The following XAF1 variants were observed in gnomAD, a reference collection of about 807,000 sequenced individuals.
The protein encoded by XAF1 is XIAP associated factor 1.
XAF1 carries 32 observed loss-of-function variants against 32.3 expected under a neutral mutation model. The ratio of observed to expected loss-of-function variants is 0.99; its 90% CI spans 0.75 to 1.33. The LOEUF is 1.33. Among genes scored for constraint, XAF1 ranks in the 40% most tolerant of loss-of-function variants. The probability of loss-of-function intolerance (pLI) is 0.00; values close to 1 mark genes in which losing one functional copy is unlikely to be tolerated. For synonymous variants in XAF1, 120 were observed against 125.9 expected (o/e 0.95, Z 0.31); for missense variants, 379 against 366.0 (o/e 1.04, Z -0.29).
At chr17:6,756,260 G>A in intron 1 of XAF1, 150 bp downstream of exon 1, 1 of 1,447,492 alleles carries the variant, frequency 6.9e-7, no homozygotes, top group Non-Finnish European at 9.2e-7. Flanking sequence ...CCCAAGGGTA[G>A]GAGGGTTTAA....
intron 5 of XAF1, among the ~76,000 whole-genome samples, chr17:6,769,314 A>G (rs1425865307): frequency 1.3e-5 from 2 of 152,186 alleles, no homozygotes; most frequent in Non-Finnish European, 2.9e-5. Flanking sequence ...AAAGATAGGT[A>G]TGTGAAGTGA....
intron 2 of XAF1, chr17:6,759,143 A>C: frequency 9.8e-7 from 1 of 1,016,694 alleles, no homozygotes; most frequent in Non-Finnish European, 1.2e-6. Context: ...GGGCCATGGG[A>C]AGTCATTTAG....
rs1198033104 is a variant in XAF1 at position 6,770,582 on chromosome 17, T to C, written c.508-61T>C. On this transcript the variant is annotated intron_variant, in intron 5 of 6. Coordinates refer to ENST00000361842, the MANE Select transcript of XAF1 (RefSeq NM_017523.5). Reference sequence around the variant, plus strand: ...ATTTCTTGTGTTATCTAGTCTACTGTATTTTCTGACCATTAAAGCTGAAGT... The same window carrying C: ...ATTTCTTGTGTTATCTAGTCTACTGCATTTTCTGACCATTAAAGCTGAAGT... 37 of 1,366,506 alleles carry C rather than the reference T, an allele frequency of 2.7e-5. No individual in the cohort carries two copies. The East Asian group carries it at 8.1e-4, about 30-fold the overall frequency. 84.6% of individuals were successfully genotyped at this position (1,366,506 alleles called of 1,614,324 possible).
In XAF1 at chr17:6,762,487, C is replaced by T. The variant is rs1186299966; in HGVS notation, c.507+247C>T. Among the ~76,000 whole-genome samples the T allele has an allele frequency of 3.9e-5, 6 of 152,230 alleles. No homozygotes were observed. In the East Asian group the frequency reaches 9.6e-4, roughly 24 times the overall value. ...CTTCCCTTGCCACTCCCAACACCCC[C>T]GATCACCTCTGACCATCTCCAAACT... On this transcript the variant is annotated intron_variant, in intron 5 of 6. Transcript: ENST00000361842.
intron 3 of XAF1, among the ~76,000 whole-genome samples, chr17:6,760,135 G>A (rs1479829181): frequency 6.6e-6 from 1 of 152,008 alleles, no homozygotes; most frequent in Non-Finnish European, 1.5e-5. Context: ...GGATCACGAG[G>A]TCAGGAGTTC....
chr17:6,763,354 G>T (rs1271119731), intron 5 of XAF1, among the ~76,000 whole-genome samples: 1 of 151,980 alleles, frequency 6.6e-6, no homozygotes, highest in Non-Finnish European at 1.5e-5. Flanking sequence ...TTGAGACAGG[G>T]TCTCACTCTG....
At chr17:6,769,996 T>A (rs949590094) in intron 5 of XAF1, among the ~76,000 whole-genome samples, 3 of 152,254 alleles carry the variant, frequency 2.0e-5, no homozygotes, top group Admixed American at 1.3e-4. Flanking sequence ...ATCAATAGAG[T>A]CTTACTTCCA....
At chr17:6,765,620 A>G (rs1975559858) in intron 5 of XAF1, among the ~76,000 whole-genome samples, 2 of 152,140 alleles carry the variant, frequency 1.3e-5, no homozygotes, top group Admixed American at 1.3e-4. Flanking sequence ...AGCTTGGCCC[A>G]TCTCAGTTGA....
chr17:6,760,625 A>G (rs1255408509), intron 4 of XAF1, 24 bp downstream of exon 4: 1 of 1,593,874 alleles, frequency 6.3e-7, no homozygotes, highest in Non-Finnish European at 8.6e-7. Context: ...CTGGGGTGGA[A>G]GAGAGACGTT....
At chr17:6,759,272 T>C in intron 2 of XAF1, 17 of 1,156,388 alleles carry the variant, frequency 1.5e-5, no homozygotes, top group Non-Finnish European at 1.7e-5. Flanking sequence ...GGATCTGGCA[T>C]AGGCAAGAGG....
At chr17:6,762,082 T>C in intron 4 of XAF1, 73 bp from the exon 5 acceptor site, 2 of 1,607,554 alleles carry the variant, frequency 1.2e-6, no homozygotes, top group Non-Finnish European at 1.7e-6. Context: ...AGGCCATGTA[T>C]GCAGTTGTGG....
At chr17:6,761,655 A>G (rs1975213372) in intron 4 of XAF1, 1 of 380,634 alleles carries the variant, frequency 2.6e-6, no homozygotes, top group South Asian at 2.5e-5. Flanking sequence ...AGTCATGTAT[A>G]TTTCCTTCAT....
At chr17:6,761,897 G>A (rs1398037920) in intron 4 of XAF1, 3 of 1,476,204 alleles carry the variant, frequency 2.0e-6, no homozygotes, top group Non-Finnish European at 2.7e-6. Flanking sequence ...AACCAGTCCT[G>A]ATCCAGGAAA....
chr17:6,761,880 C>T (rs1238161073), intron 4 of XAF1: 3 of 1,451,724 alleles, frequency 2.1e-6, no homozygotes, highest in Admixed American at 2.1e-5. Context: ...CCATTCATCT[C>T]CTTAGAAACC....
intron 6 of XAF1, chr17:6,772,735 G>A (rs758039460): frequency 1.7e-5 from 3 of 172,758 alleles, no homozygotes; most frequent in Non-Finnish European, 3.7e-5. Context: ...CTCCCAAAGT[G>A]CTGGAATTAT....
At position 6,773,089 on chromosome 17, in the gene XAF1, A is replaced by G. The variant is rs115351582; in HGVS notation, c.850-24A>G. The G allele has an allele frequency of 1.0e-3, 1,647 of 1,600,176 alleles. 18 individuals are homozygous for G. In the African/African-American group the frequency reaches 0.019, roughly 18 times the overall value. On this transcript the variant is annotated intron_variant, in intron 6 of 6. Coordinates refer to ENST00000361842, the MANE Select transcript of XAF1 (RefSeq NM_017523.5). ...GCACTTCTTACTTTAACCATATCAA[A>G]CTTTTTTTATATCCATTTCTTAGGA...
At chr17:6,767,362 A>G (rs1183043416) in intron 5 of XAF1, among the ~76,000 whole-genome samples, 4 of 152,234 alleles carry the variant, frequency 2.6e-5, no homozygotes, top group Non-Finnish European at 4.4e-5. Flanking sequence ...GTAAAAGGCA[A>G]AGGTTGATTT....
At chr17:6,759,803 T>C (rs768073373) in intron 3 of XAF1, 85 bp downstream of exon 3, 35 of 1,603,766 alleles carry the variant, frequency 2.2e-5, no homozygotes, top group African/African-American at 4.1e-5. Flanking sequence ...AGGCCAGTAA[T>C]AGAGATTTCC....
chr17:6,756,173 G>A, intron 1 of XAF1, 63 bp downstream of exon 1: 1 of 1,613,112 alleles, frequency 6.2e-7, no homozygotes, highest in East Asian at 2.2e-5. Context: ...AGACGACATA[G>A]GGCTGTTTCT....
Sources: gnomAD v4.1 joint callset for allele counts (sites outside exome capture counted in the v4.1 genomes callset) on GRCh38, gnomAD v4.1.1 for gene constraint, MANE v1.5 for transcripts, NCBI Gene and HGNC (gene_info 2026-07-23, HGNC 2026-07-21) for gene names.